The following KLHL35 variants were observed in gnomAD, a reference collection of about 807,000 sequenced individuals.
KLHL35 encodes kelch-like protein 35.
A neutral mutation model predicts 44.0 loss-of-function variants in KLHL35; 50 were observed. The ratio of observed to expected loss-of-function variants is 1.14; its 90% CI spans 0.91 to 1.44. KLHL35 has a LOEUF of 1.44. Ranked by LOEUF, KLHL35 falls within the 40% of genes most tolerant of loss-of-function variation. The probability of loss-of-function intolerance (pLI) is 0.00; values close to 1 mark genes in which losing one functional copy is unlikely to be tolerated. For synonymous variants in KLHL35, 470 were observed against 410.4 expected (o/e 1.15, Z -1.76); for missense variants, 1,049 against 887.8 (o/e 1.18, Z -2.31).
intron 2 of KLHL35, among the ~76,000 whole-genome samples, chr11:75,428,958 C>T (rs939142463): frequency 6.6e-6 from 1 of 152,230 alleles, no homozygotes; most frequent in Non-Finnish European, 1.5e-5. Flanking sequence ...ACCCCTTTCT[C>T]AGGGGAGGAA....
chr11:75,432,758 C>T (rs575923022), intron 1 of KLHL35, among the ~76,000 whole-genome samples: 6 of 152,128 alleles, frequency 3.9e-5, no homozygotes, highest in African/African-American at 1.4e-4. Context: ...CAAACGACAC[C>T]CAGTTGGAAC....
Position 75,433,026 on chromosome 11 carries a change from A to G in KLHL35, c.-2+17T>C, listed in dbSNP as rs1257505074. On this transcript the variant is annotated intron_variant, in intron 1 of 6. Coordinates refer to ENST00000539798, the MANE Select transcript of KLHL35 (RefSeq NM_001039548.3). Reference sequence around the variant, plus strand: ...AGCCCTGCAGCCTAAGCCTTGCCCCATGCACCTGGCACTTACCTGGCCATA... The same window carrying G: ...AGCCCTGCAGCCTAAGCCTTGCCCCGTGCACCTGGCACTTACCTGGCCATA... 2.0e-5 allele frequency among the ~76,000 whole-genome samples: 3 copies of G among 152,138 alleles called. No individual in the cohort carries two copies. Among genetic ancestry groups the G allele is most frequent in the African/African-American group, 7.2e-5 (3 of 41,440 alleles).
In KLHL35 at chr11:75,430,247, G is replaced by T; in HGVS notation, c.383C>A (p.Ala128Glu). 1 of 1,211,588 alleles carries T rather than the reference G, an allele frequency of 8.3e-7. No homozygotes were observed. Among genetic ancestry groups the T allele is most frequent in the Non-Finnish European group, 1.0e-6 (1 of 973,626 alleles). 75.1% of individuals were successfully genotyped at this position (1,211,588 alleles called of 1,614,324 possible). A position where few individuals can be genotyped will look rare whatever the true frequency, so the allele number is the denominator to read the frequency against. ...CGCCACGCCCAGCCGCTCCGCCAGC[G>T]CCAGCACGGCCGCCGCCTCGTCCTC... ...RAEDEAAAVL[A>E]LAERLGVAGL... Residue 128 changes from alanine to glutamate, a missense_variant, in exon 2 of 7, where the codon GCG (alanine) becomes GAG (glutamate). Coordinates refer to ENST00000539798, the MANE Select transcript of KLHL35 (RefSeq NM_001039548.3).
chr11:75,427,324 G>T (rs1226609040), intron 3 of KLHL35, among the ~76,000 whole-genome samples: 3 of 152,144 alleles, frequency 2.0e-5, no homozygotes, highest in African/African-American at 7.2e-5. Flanking sequence ...GCAGGATGTG[G>T]ACTCTCCCTT....
intron 1 of KLHL35, among the ~76,000 whole-genome samples, chr11:75,431,800 A>G (rs1948539179): frequency 6.6e-6 from 1 of 152,170 alleles, no homozygotes; most frequent in South Asian, 2.1e-4. Context: ...CTGTATGAAA[A>G]GTGCTAGTAC....
Position 75,429,701 on chromosome 11 carries a change from G to A in KLHL35, c.881+48C>T. The A allele has an allele frequency of 2.8e-6, 4 of 1,408,828 alleles. No individual in the cohort carries two copies. In the South Asian group the frequency reaches 4.5e-5, roughly 16 times the overall value. The allele number at this position is 1,408,828 out of a possible 1,614,324, so 87.3% of individuals were successfully genotyped here. A position where few individuals can be genotyped will look rare whatever the true frequency, so the allele number is the denominator to read the frequency against. ...ATGAAAGAATGAATGAGCGGTGGAA[G>A]CAGGCGGGAAGAACGGAGGGCGGGA... is the stretch of plus-strand genomic sequence containing the variant. On this transcript the variant is annotated intron_variant, in intron 2 of 6. Coordinates refer to ENST00000539798, the MANE Select transcript of KLHL35 (RefSeq NM_001039548.3).
intron 6 of KLHL35, 52 bp from the exon 7 acceptor site, chr11:75,422,820 T>C: frequency 1.3e-6 from 2 of 1,539,240 alleles, no homozygotes; most frequent in Admixed American, 3.4e-5. Context: ...GGGCTTCCTC[T>C]GTCCCTGCCT....
In KLHL35 at chr11:75,430,189, C is replaced by T; in HGVS notation, c.441G>A (p.Glu147=). 6.4e-6 allele frequency: 8 copies of T among 1,243,056 alleles called. No homozygotes were observed. The highest frequency in any genetic ancestry group is 8.1e-6 in the Non-Finnish European group (8 of 990,832). 77.0% of individuals were successfully genotyped at this position (1,243,056 alleles called of 1,614,324 possible). Residue 147 remains glutamate, a synonymous_variant, in exon 2 of 7, where the codon GAG becomes GAA. Transcript: ENST00000539798. ...GGCTGTTGGCGGCGCGCAGGCGGCCCTCGAGAAAGCGCACGCAGGCCTCGC... is the reference window on the plus strand; with the variant it reads ...GGCTGTTGGCGGCGCGCAGGCGGCCTTCGAGAAAGCGCACGCAGGCCTCGC... ...GLREACVRFL[E]GRLRAANSLA...
At chr11:75,426,708 A>G (rs1948495224) in intron 3 of KLHL35, 70 bp from the exon 4 acceptor site, 8 of 1,051,366 alleles carry the variant, frequency 7.6e-6, no homozygotes, top group Non-Finnish European at 1.1e-5. Flanking sequence ...AGAGCTAGAA[A>G]CTAGGGCCCC....
At chr11:75,432,146 C>G (rs1341801040) in intron 1 of KLHL35, among the ~76,000 whole-genome samples, 2 of 152,126 alleles carry the variant, frequency 1.3e-5, no homozygotes, top group Non-Finnish European at 2.9e-5. Context: ...TCCCTCCTTT[C>G]CATCAGCTTA....
intron 1 of KLHL35, among the ~76,000 whole-genome samples, chr11:75,431,305 G>A (rs1179103071): frequency 1.3e-5 from 2 of 152,244 alleles, no homozygotes; most frequent in Non-Finnish European, 2.9e-5. Flanking sequence ...CACAGCTTTC[G>A]CGCAAACGAA....
Position 75,422,477 on chromosome 11 carries a change from T to A in KLHL35, c.*103A>T. The A allele has an allele frequency of 3.9e-6, 4 of 1,034,860 alleles. No individual in the cohort carries two copies. The highest frequency in any genetic ancestry group is 5.6e-6 in the Non-Finnish European group (4 of 711,100). 64.1% of individuals were successfully genotyped at this position (1,034,860 alleles called of 1,614,324 possible). Reference sequence around the variant, plus strand: ...TTTATTTATACAAGAAAAGGGACCATTAAGTTAAGGGCTGTTTGCGTGGAG... The same window carrying A: ...TTTATTTATACAAGAAAAGGGACCAATAAGTTAAGGGCTGTTTGCGTGGAG... On this transcript the variant is annotated 3_prime_UTR_variant, in exon 7 of 7. Coordinates refer to ENST00000539798, the MANE Select transcript of KLHL35 (RefSeq NM_001039548.3).
chr11:75,427,080 CCCTTCTG>C (rs1338044457), intron 3 of KLHL35, among the ~76,000 whole-genome samples: 6 of 152,208 alleles, frequency 3.9e-5, no homozygotes, highest in African/African-American at 1.2e-4. Flanking sequence ...AACCCTCCCT[CCCTTCTG>C]CCTTCACCTG....
intron 1 of KLHL35, 68 bp from the exon 2 acceptor site, chr11:75,430,698 C>G (rs1458078775): frequency 8.1e-7 from 1 of 1,234,156 alleles, no homozygotes; most frequent in East Asian, 3.2e-5. Flanking sequence ...GGCGACAGCC[C>G]TCATCCGTTT....
At chr11:75,422,838 C>A in intron 6 of KLHL35, 70 bp from the exon 7 acceptor site, 1 of 1,431,758 alleles carries the variant, frequency 7.0e-7, no homozygotes, top group Non-Finnish European at 9.7e-7. Flanking sequence ...CCTGGCCAGG[C>A]CAGATAATAG....
At chr11:75,422,828 C>T in intron 6 of KLHL35, 60 bp from the exon 7 acceptor site, 1 of 1,488,206 alleles carries the variant, frequency 6.7e-7, no homozygotes, top group Non-Finnish European at 9.3e-7. Flanking sequence ...TCTGTCCCTG[C>T]CTGGCCAGGC....
chr11:75,426,379 T>C (rs1948492444), intron 4 of KLHL35, 141 bp downstream of exon 4: 1 of 571,308 alleles, frequency 1.8e-6, no homozygotes, highest in African/African-American at 1.9e-5. Flanking sequence ...TCAGCCATTA[T>C]TATGTGACCT....
rs746310985 is a variant in KLHL35 at position 75,423,913 on chromosome 11, A to G, written c.1375-33T>C. 33 of 1,515,084 alleles carry G rather than the reference A, an allele frequency of 2.2e-5. No homozygotes were observed. The African/African-American group carries it at 4.3e-4, about 20-fold the overall frequency. 93.9% of individuals were successfully genotyped at this position (1,515,084 alleles called of 1,614,324 possible). A position where few individuals can be genotyped will look rare whatever the true frequency, so the allele number is the denominator to read the frequency against. ...GCAAGAGCAGCAGTGGTGAAGACTC[A>G]CCGCCCCCCCCAACAAATGCCCCAC... On this transcript the variant is annotated intron_variant, in intron 5 of 6. Transcript: ENST00000539798.
At chr11:75,429,635 A>C in intron 2 of KLHL35, 114 bp downstream of exon 2, 1 of 1,282,158 alleles carries the variant, frequency 7.8e-7, no homozygotes, top group Non-Finnish European at 1.0e-6. Context: ...AAAATGTTGA[A>C]CGAATGACTG....
Sources: gnomAD v4.1 joint callset for allele counts (sites outside exome capture counted in the v4.1 genomes callset) on GRCh38, gnomAD v4.1.1 for gene constraint, MANE v1.5 for transcripts, NCBI Gene and HGNC (gene_info 2026-07-23, HGNC 2026-07-21) for gene names.